IQSEC2: variants seen among roughly 807,000 people sequenced by gnomAD.
IQSEC2 encodes the protein IQ motif and SEC7 domain-containing protein 2.
A neutral mutation model predicts 74.6 loss-of-function variants in IQSEC2; 6 were observed. The observed-to-expected ratio is 0.08, with a 90% CI of 0.04 to 0.16. The LOEUF is 0.16. Ranked by LOEUF, IQSEC2 falls within the 10% of genes least tolerant of loss-of-function variation. The probability of loss-of-function intolerance (pLI) is 1.00; values close to 1 mark genes in which losing one functional copy is unlikely to be tolerated. For synonymous variants in IQSEC2, 494 were observed against 544.5 expected (o/e 0.91, Z 1.29); for missense variants, 734 against 1,306.2 (o/e 0.56, Z 6.75).
At position 53,236,397 on chromosome X, in the gene IQSEC2, C is replaced by T; in HGVS notation, c.3376G>A (p.Glu1126Lys). The change falls in exon 13 of 15, where the codon GAG becomes AAG. Residue 1126 changes from glutamate (E) to lysine (K), a missense_variant. Around this residue, in one of 12 missense-constraint regions of IQSEC2, gnomAD observed 249 missense variants for 467.9 expected, o/e 0.53. Coordinates refer to ENST00000642864, the MANE Select transcript of IQSEC2 (RefSeq NM_001111125.3). ...VNGTMARSSL[E>K]DTYGAGDGLK... ...CCATCGCCTGCCCCGTAAGTGTCCTCCAGGCTACTGCGGGCCATCGTCCCA... is the reference window on the plus strand; with the variant it reads ...CCATCGCCTGCCCCGTAAGTGTCCTTCAGGCTACTGCGGGCCATCGTCCCA... The T allele has an allele frequency of 1.7e-6, 2 of 1,207,349 alleles. No individual in the cohort carries two copies. The highest frequency in any genetic ancestry group is 2.2e-6 in the Non-Finnish European group (2 of 893,079).
At chrX:53,270,828 C>T (rs1356431830) in intron 2 of IQSEC2, among the ~76,000 whole-genome samples, 5 of 110,457 alleles carry the variant, frequency 4.5e-5, no homozygotes, top group African/African-American at 9.9e-5. Flanking sequence ...CCTCTCTCCC[C>T]GGTTACCTCT....
chrX:53,229,853 C>T (rs1395831146), downstream of IQSEC2: 1 of 112,057 alleles, frequency 8.9e-6, no homozygotes, highest in Admixed American at 9.4e-5. Flanking sequence ...GATACTCATC[C>T]ACTACAACGG....
chrX:53,304,678 C>T (rs1248061285), intron 1 of IQSEC2, among the ~76,000 whole-genome samples: 2 of 111,769 alleles, frequency 1.8e-5, no homozygotes, highest in Non-Finnish European at 1.9e-5. Context: ...GAATACCAGG[C>T]AGCACAGCGT....
chrX:53,275,728 CTTTTTTTT>C (rs1219701474), intron 2 of IQSEC2, among the ~76,000 whole-genome samples: 3 of 81,705 alleles, frequency 3.7e-5, no homozygotes, highest in South Asian at 5.9e-4. Flanking sequence ...TGCCCTCATT[CTTTTTTTT>C]TTTTTTTTTT....
At chrX:53,281,525 T>TCTGG (rs2074962984) in intron 2 of IQSEC2, 1 of 1,150,539 alleles carries the variant, frequency 8.7e-7, no homozygotes, top group Non-Finnish European at 1.2e-6. Context: ...GCTCCATGGG[T>TCTGG]CTGGACCTGT....
In IQSEC2 at chrX:53,306,396, G is replaced by A. The variant is rs141944411; in HGVS notation, c.707+14021C>T. ...TCAGAACCCAGGTGTCCGGTTCCTC[G>A]GCTGAGGGCTCGCTTGACTCCATGG... is the stretch of plus-strand genomic sequence containing the variant. On this transcript the variant is annotated intron_variant, in intron 1 of 14. Transcript: ENST00000642864. Among the ~76,000 whole-genome samples the A allele has an allele frequency of 2.2e-3, 246 of 111,181 alleles. 2 individuals are homozygous for A. Among genetic ancestry groups the A allele is most frequent in the African/African-American group, 7.7e-3 (235 of 30,615 alleles).
chrX:53,265,145 T>C (rs1005830885), intron 2 of IQSEC2, among the ~76,000 whole-genome samples: 8 of 109,675 alleles, frequency 7.3e-5, no homozygotes, highest in Non-Finnish European at 1.3e-4. Context: ...CTTTGTTGAG[T>C]AGAATGAGGA....
intron 10 of IQSEC2, 169 bp from the exon 11 acceptor site, chrX:53,239,463 G>A (rs2074185137): frequency 4.7e-6 from 2 of 426,484 alleles, no homozygotes; most frequent in Admixed American, 7.6e-5. Flanking sequence ...GACAGAATGG[G>A]AGACATGGAA....
chrX:53,267,136 A>T lies in IQSEC2; in HGVS notation c.738-11075T>A, dbSNP rs1056275107. On this transcript the variant is annotated intron_variant, in intron 2 of 14. Transcript: ENST00000642864. ...GAGAGAGGCAGAGGCATTAGTTTGC[A>T]GAGCAGGGGAGATACGCGAAGGGCC... 24 of 1,092,519 alleles carry T rather than the reference A, an allele frequency of 2.2e-5. No homozygotes were observed. The African/African-American group carries it at 3.4e-4, about 15-fold the overall frequency. 90.0% of individuals were successfully genotyped at this position (1,092,519 alleles called of 1,213,427 possible).
chrX:53,280,091 G>A (rs934462816), intron 2 of IQSEC2, among the ~76,000 whole-genome samples: 5 of 108,627 alleles, frequency 4.6e-5, no homozygotes, highest in East Asian at 2.9e-4. Context: ...AGGTGACTCC[G>A]TGGGGACCTC....
chrX:53,279,721 G>T, intron 2 of IQSEC2: 1 of 712,949 alleles, frequency 1.4e-6, no homozygotes, highest in Non-Finnish European at 2.2e-6. Flanking sequence ...GGAAGTGGCA[G>T]GGTGGGCGAT....
At chrX:53,235,636 C>T in intron 14 of IQSEC2, 147 bp downstream of exon 14, 1 of 561,954 alleles carries the variant, frequency 1.8e-6, no homozygotes, top group Non-Finnish European at 3.0e-6. Context: ...GAGTTGAGGA[C>T]AGATGGAGAG....
chrX:53,288,361 TGTCTCC>T (rs1454573367), intron 2 of IQSEC2, among the ~76,000 whole-genome samples: 2 of 111,310 alleles, frequency 1.8e-5, no homozygotes, highest in African/African-American at 6.5e-5. Flanking sequence ...GGGACGTCCC[TGTCTCC>T]GCGGGTGTCA....
chrX:53,321,296 G>C lies in IQSEC2; in HGVS notation c.-173C>G. 1 of 302,036 alleles carries C rather than the reference G, an allele frequency of 3.3e-6. No homozygotes were observed. The highest frequency in any genetic ancestry group is 2.8e-5 in the African/African-American group (1 of 35,658). The allele number at this position is 302,036 out of a possible 1,213,427, so 24.9% of individuals were successfully genotyped here. On this transcript the variant is annotated 5_prime_UTR_variant, in exon 1 of 15. Transcript: ENST00000642864. ...CCCGGGAGACAGCGCTGGGGCCGGC[G>C]GCACGGGGAGCAGGAGCTGAGGCTG...
chrX:53,243,623 G>A, intron 8 of IQSEC2, 152 bp from the exon 9 acceptor site: 1 of 823,013 alleles, frequency 1.2e-6, no homozygotes, highest in Non-Finnish European at 1.6e-6. Flanking sequence ...ATTGGGGCAG[G>A]GAGGGTGTCC....
intron 2 of IQSEC2, among the ~76,000 whole-genome samples, chrX:53,275,759 T>C (rs2147227315): frequency 1.0e-5 from 1 of 96,646 alleles, no homozygotes; most frequent in South Asian, 5.4e-4. Context: ...GAGACTGAGA[T>C]CTTGGCTCAC....
At chrX:53,237,868 T>C in intron 12 of IQSEC2, 1 of 374,426 alleles carries the variant, frequency 2.7e-6, no homozygotes, top group South Asian at 3.7e-5. Flanking sequence ...TCTAAAACTA[T>C]AGTCCTACCT....
At position 53,254,745 on chromosome X, in the gene IQSEC2, C is replaced by T; in HGVS notation, c.1186G>A (p.Glu396Lys). 1 of 1,205,453 alleles carries T rather than the reference C, an allele frequency of 8.3e-7. No individual in the cohort carries two copies. The highest frequency in any genetic ancestry group is 1.8e-5 in the South Asian group (1 of 55,985). ...SNMRMQFSFE[E>K]YEKAQNPAYF... ...GCGGGGTTCTGTGCCTTCTCATACT[C>T]CTCAAAGGAGAACTGCATCCGCATG... Residue 396 changes from glutamate (E) to lysine (K), a missense_variant, in exon 4 of 15, where the codon GAG becomes AAG. Glu to Lys is a moderately conservative substitution (Grantham distance 56, BLOSUM62 1). This residue lies in a region of IQSEC2 where 204 missense variants were observed against 305.4 expected (regional missense o/e 0.67). Coordinates refer to ENST00000642864, the MANE Select transcript of IQSEC2 (RefSeq NM_001111125.3).
intron 1 of IQSEC2, among the ~76,000 whole-genome samples, chrX:53,296,039 A>AT (rs1351840124): frequency 3.1e-3 from 317 of 102,026 alleles, no homozygotes; most frequent in Admixed American, 6.1e-3. Context: ...ACAGAAGTAG[A>AT]TTTTTTTTTT....
Sources: gnomAD v4.1 joint callset for allele counts (sites outside exome capture counted in the v4.1 genomes callset) on GRCh38, gnomAD v4.1.1 for gene constraint, gnomAD v4.1.1 regional missense constraint, MANE v1.5 for transcripts, NCBI Gene and HGNC (gene_info 2026-07-23, HGNC 2026-07-21) for gene names.